The following ADGRL2 variants were observed in gnomAD, a reference collection of about 807,000 sequenced individuals.
ADGRL2 encodes adhesion G protein-coupled receptor L2, also known as calcium-independent alpha-latrotoxin receptor 2.
ADGRL2 carries 44 observed loss-of-function variants against 157.4 expected under a neutral mutation model. The observed-to-expected ratio is 0.28, with a 90% CI of 0.22 to 0.36. The LOEUF is 0.36. ADGRL2 is among the 10% of genes least tolerant of loss of function. The probability of loss-of-function intolerance (pLI) is 1.00; values close to 1 mark genes in which losing one functional copy is unlikely to be tolerated. For synonymous variants in ADGRL2, 585 were observed against 624.7 expected (o/e 0.94, Z 0.95); for missense variants, 1,510 against 1,768.9 (o/e 0.85, Z 2.63).
At chr1:81,942,096 T>C (rs932050635) in intron 5 of ADGRL2, 51 bp downstream of exon 5, 8 of 702,208 alleles carry the variant, frequency 1.1e-5, no homozygotes, top group Non-Finnish European at 2.1e-5. Flanking sequence ...GCCTTATGGA[T>C]GTTAACCTCC....
chr1:81,806,416 A>G (rs1429344048), intron 1 of ADGRL2, among the ~76,000 whole-genome samples: 1 of 152,024 alleles, frequency 6.6e-6, no homozygotes, highest in African/African-American at 2.4e-5. Flanking sequence ...GAAATGAGCT[A>G]GAAGAGAGCT....
At chr1:81,958,962 G>A (rs1654485360) in intron 11 of ADGRL2, among the ~76,000 whole-genome samples, 1 of 152,212 alleles carries the variant, frequency 6.6e-6, no homozygotes. Flanking sequence ...ATACATGGGA[G>A]TGTCCATAAT....
At chr1:81,942,791 A>G (rs746800345) in intron 5 of ADGRL2, 178 bp from the exon 6 acceptor site, 1 of 677,160 alleles carries the variant, frequency 1.5e-6, no homozygotes, top group East Asian at 2.7e-5. Context: ...TTGTACCCTG[A>G]TACACTGATT....
intron 23 of ADGRL2, chr1:81,989,759 G>T: frequency 6.3e-7 from 1 of 1,598,038 alleles, no homozygotes; most frequent in Non-Finnish European, 8.5e-7. Context: ...GTGCTTGTGG[G>T]CCCCTGGTCC....
At chr1:81,537,030 A>G (rs2079755754) in intron 2 of ADGRL2, among the ~76,000 whole-genome samples, 1 of 152,238 alleles carries the variant, frequency 6.6e-6, no homozygotes, top group African/African-American at 2.4e-5. Context: ...TTTAAATACA[A>G]AGACCTCCTT....
intron 1 of ADGRL2, among the ~76,000 whole-genome samples, chr1:81,376,390 C>G (rs562572219): frequency 6.6e-6 from 1 of 152,300 alleles, no homozygotes; most frequent in Non-Finnish European, 1.5e-5. Context: ...TTTGTGGAGG[C>G]AGCCCAAATG....
intron 2 of ADGRL2, among the ~76,000 whole-genome samples, chr1:81,445,662 T>C (rs1031897351): frequency 1.3e-5 from 2 of 152,176 alleles, no homozygotes; most frequent in African/African-American, 4.8e-5. Context: ...CTATGAATTC[T>C]ATATTAAAGC....
intron 1 of ADGRL2, among the ~76,000 whole-genome samples, chr1:81,714,390 A>T (rs2084038144): frequency 6.6e-6 from 1 of 152,206 alleles, no homozygotes; most frequent in African/African-American, 2.4e-5. Flanking sequence ...AAACTTCTTA[A>T]AAATACATGC....
At chr1:81,768,552 C>G (rs575378946) in intron 2 of ADGRL2, among the ~76,000 whole-genome samples, 1 of 151,034 alleles carries the variant, frequency 6.6e-6, no homozygotes, top group Non-Finnish European at 1.5e-5. Flanking sequence ...CAGCTCACTT[C>G]AGCCTCAATT....
chr1:81,487,591 G>T (rs1239087309), intron 2 of ADGRL2, among the ~76,000 whole-genome samples: 1 of 152,136 alleles, frequency 6.6e-6, no homozygotes, highest in Admixed American at 6.5e-5. Flanking sequence ...GTTGCAGGGA[G>T]CTGAGATGGC....
At chr1:81,398,690 T>C (rs1424549181) in intron 1 of ADGRL2, among the ~76,000 whole-genome samples, 1 of 152,312 alleles carries the variant, frequency 6.6e-6, no homozygotes, top group Admixed American at 6.5e-5. Context: ...TTTTCTTTCC[T>C]TTTCTTCTTC....
chr1:81,676,955 C>A (rs892462555), intron 3 of ADGRL2, among the ~76,000 whole-genome samples: 2 of 149,622 alleles, frequency 1.3e-5, no homozygotes, highest in Middle Eastern at 3.2e-3. Context: ...AGATTACAGG[C>A]GTGAGCCACT....
rs182427370 is a variant in ADGRL2 at position 81,689,099 on chromosome 1, T to G, written c.-142-72712T>G. 2.3e-3 allele frequency among the ~76,000 whole-genome samples: 350 copies of G among 152,320 alleles called. 2 individuals are homozygous for G. Among genetic ancestry groups the G allele is most frequent in the African/African-American group, 8.0e-3 (332 of 41,574 alleles). On this transcript the variant is annotated intron_variant, in intron 3 of 24. Transcript: ENST00000370721. ...GGTGGACGTGGTGAAGGGTGAAATC[T>G]CAAATACTATTTTAATGTAACAAAG...
At chr1:81,438,619 T>C (rs1011536508) in intron 1 of ADGRL2, among the ~76,000 whole-genome samples, 14 of 152,166 alleles carry the variant, frequency 9.2e-5, no homozygotes, top group Non-Finnish European at 1.5e-5. Flanking sequence ...GTGCTTTTTT[T>C]CCCAGAGAGC....
At chr1:81,955,723 G>A in intron 10 of ADGRL2, 154 bp from the exon 11 acceptor site, 1 of 478,452 alleles carries the variant, frequency 2.1e-6, no homozygotes, top group Non-Finnish European at 3.7e-6. Flanking sequence ...ATTTTAAAAT[G>A]GACCAGATAT....
intron 2 of ADGRL2, among the ~76,000 whole-genome samples, chr1:81,554,408 T>C (rs747577156): frequency 6.6e-6 from 1 of 152,170 alleles, no homozygotes. Flanking sequence ...CTCTTGCTGC[T>C]GGGTTCAAGG....
In ADGRL2 at chr1:81,392,557, A is replaced by T. The variant is rs373189481; in HGVS notation, c.-301-52479A>T. 3.9e-5 allele frequency among the ~76,000 whole-genome samples: 6 copies of T among 152,288 alleles called. No homozygotes were observed. In the East Asian group the frequency reaches 1.2e-3, roughly 29 times the overall value. The stretch of plus-strand genomic sequence containing the variant: ...CTAATCCTACATCCTAAAATGCCAT[A>T]CTTGGATTAACCACTCTCCATTAGA... On this transcript the variant is annotated intron_variant, in intron 1 of 24. Coordinates refer to the ADGRL2 transcript ENST00000370721.
In ADGRL2 at chr1:81,958,258, A is replaced by C. The variant is rs373482837; in HGVS notation, c.2017+2198A>C. On this transcript the variant is annotated intron_variant, in intron 11 of 23. Transcript: ENST00000686636. ...GGCGACAAGAGCAAGACTTTGTCTC[A>C]AAAAAAAAAGGTCATTTTACATATT... Among the ~76,000 whole-genome samples the C allele has an allele frequency of 1.5e-4, 22 of 148,358 alleles. 1 individual carries two copies. Among genetic ancestry groups the C allele is most frequent in the African/African-American group, 5.4e-4 (22 of 40,522 alleles).
intron 1 of ADGRL2, among the ~76,000 whole-genome samples, chr1:81,371,382 A>G (rs1290267606): frequency 6.6e-6 from 1 of 152,246 alleles, no homozygotes; most frequent in African/African-American, 2.4e-5. Flanking sequence ...GAGTAGGATG[A>G]TAAGGAAAGA....
Sources: allele counts gnomAD v4.1 joint callset (sites outside exome capture counted in the v4.1 genomes callset), GRCh38; gene constraint gnomAD v4.1.1; transcripts MANE v1.5; gene names NCBI Gene and HGNC (gene_info 2026-07-23, HGNC 2026-07-21).